PCA3: variants seen among roughly 807,000 people sequenced by gnomAD.
The protein encoded by PCA3 is Differential Display code 3.
At chr9:76,766,046 G>A (rs186457861) in intron 2 of PCA3, among the ~76,000 whole-genome samples, 98 of 152,062 alleles carry the variant, frequency 6.4e-4, no homozygotes, top group Non-Finnish European at 1.3e-3. Flanking sequence ...AGCCGCGCGT[G>A]GTGGCAGGCA....
At chr9:76,769,308 C>G (rs929481706) in intron 2 of PCA3, among the ~76,000 whole-genome samples, 2 of 152,226 alleles carry the variant, frequency 1.3e-5, no homozygotes, top group African/African-American at 4.8e-5. Flanking sequence ...AGGGTCAATA[C>G]ATACAGAATA....
intron 2 of PCA3, among the ~76,000 whole-genome samples, chr9:76,771,931 A>C (rs1385263172): frequency 1.3e-5 from 2 of 152,212 alleles, no homozygotes; most frequent in Non-Finnish European, 2.9e-5. Context: ...TGTGACAAGG[A>C]GGACACTAAT....
intron 2 of PCA3, chr9:76,784,155 G>C (rs1280016007): frequency 6.6e-6 from 1 of 152,176 alleles, no homozygotes; most frequent in Non-Finnish European, 1.5e-5. Context: ...TTGGGTCATC[G>C]ATGAGCCTCG....
At chr9:76,768,225 C>T (rs1357736290) in intron 2 of PCA3, among the ~76,000 whole-genome samples, 1 of 152,064 alleles carries the variant, frequency 6.6e-6, no homozygotes, top group Non-Finnish European at 1.5e-5. Flanking sequence ...TGGATTCTCG[C>T]TCTGTCGCCC....
intron 2 of PCA3, among the ~76,000 whole-genome samples, chr9:76,781,477 C>G (rs1270110329): frequency 6.6e-6 from 1 of 152,202 alleles, no homozygotes; most frequent in African/African-American, 2.4e-5. Context: ...ATGCTCTTAC[C>G]CCTAGTCCTT....
At chr9:76,778,032 T>C (rs979564565) in intron 2 of PCA3, among the ~76,000 whole-genome samples, 6 of 152,224 alleles carry the variant, frequency 3.9e-5, no homozygotes, top group African/African-American at 1.4e-4. Flanking sequence ...GACCAAATCA[T>C]GTATTTTCCA....
intron 2 of PCA3, chr9:76,779,801 C>T (rs994379096): frequency 6.6e-6 from 1 of 152,238 alleles, no homozygotes; most frequent in Non-Finnish European, 1.5e-5. Flanking sequence ...ATGGTTCCTG[C>T]AACCTTTAAC....
chr9:76,777,845 C>T (rs1338559802), intron 2 of PCA3, among the ~76,000 whole-genome samples: 2 of 152,078 alleles, frequency 1.3e-5, no homozygotes, highest in Non-Finnish European at 2.9e-5. Context: ...GAAATAAGTT[C>T]AGGGGGCTAA....
chr9:76,786,658 T>C (rs1241322093), intron 2 of PCA3: 1 of 152,294 alleles, frequency 6.6e-6, no homozygotes, highest in Non-Finnish European at 1.5e-5. Context: ...AAGTCTTTTC[T>C]TCCATCCCCA....
intron 2 of PCA3, among the ~76,000 whole-genome samples, chr9:76,775,656 G>T (rs926253266): frequency 7.2e-5 from 11 of 152,154 alleles, no homozygotes; most frequent in African/African-American, 2.7e-4. Context: ...TTCTCTTCAG[G>T]TATGCAAGGA....
chr9:76,774,453 T>TC (rs370472844), intron 2 of PCA3, among the ~76,000 whole-genome samples: 2 of 122,224 alleles, frequency 1.6e-5, no homozygotes, highest in African/African-American at 5.8e-5. Flanking sequence ...TTCAACCCTT[T>TC]TTTTTTTTTT....
chr9:76,781,953 G>A (rs1158749978), intron 2 of PCA3, among the ~76,000 whole-genome samples: 6 of 152,164 alleles, frequency 3.9e-5, no homozygotes, highest in Non-Finnish European at 7.4e-5. Context: ...GGTGGCTCAC[G>A]CCTGTAATCC....
intron 2 of PCA3, among the ~76,000 whole-genome samples, chr9:76,775,496 T>C (rs746349906): frequency 1.3e-5 from 2 of 152,018 alleles, no homozygotes; most frequent in African/African-American, 2.4e-5. Context: ...AGATGGGATC[T>C]CGCTATGCTG....
At chr9:76,782,015 C>A (rs575461001) in intron 2 of PCA3, among the ~76,000 whole-genome samples, 3 of 152,108 alleles carry the variant, frequency 2.0e-5, no homozygotes, top group Middle Eastern at 3.2e-3. Context: ...GAGATTGAGA[C>A]CATCCTGGCT....
intron 2 of PCA3, among the ~76,000 whole-genome samples, chr9:76,775,859 G>T (rs1313010395): frequency 1.3e-5 from 2 of 152,086 alleles, no homozygotes; most frequent in African/African-American, 4.8e-5. Context: ...CCTTTAGCTC[G>T]GACCAACACC....
intron 2 of PCA3, among the ~76,000 whole-genome samples, chr9:76,772,009 C>T (rs180887877): frequency 1.3e-4 from 20 of 152,302 alleles, no homozygotes; most frequent in South Asian, 6.2e-4. Flanking sequence ...TTTGCCTATA[C>T]GAAGTCCGAG....
chr9:76,784,424 C>G (rs1033100982), intron 2 of PCA3: 1 of 152,142 alleles, frequency 6.6e-6, no homozygotes, highest in Non-Finnish European at 1.5e-5. Flanking sequence ...GAGATAACCA[C>G]GGGGCAGAGG....
chr9:76,778,970 T>C (rs1240845939), intron 2 of PCA3: 1 of 152,216 alleles, frequency 6.6e-6, no homozygotes, highest in Non-Finnish European at 1.5e-5. Context: ...TCCATTCCAG[T>C]TGGCTTCTTG....
chr9:76,765,908 C>A (rs149371170), intron 2 of PCA3, among the ~76,000 whole-genome samples: 6 of 152,104 alleles, frequency 3.9e-5, no homozygotes, highest in Admixed American at 2.6e-4. Flanking sequence ...AGAGGCCAGA[C>A]GCGGTGGCTC....
Sources: gnomAD v4.1 joint callset for allele counts (sites outside exome capture counted in the v4.1 genomes callset) on GRCh38, gnomAD v4.1.1 for gene constraint, MANE v1.5 for transcripts, NCBI Gene and HGNC (gene_info 2026-07-23, HGNC 2026-07-21) for gene names.